The following NRCAM variants were observed in gnomAD, a reference collection of about 807,000 sequenced individuals.
The protein encoded by NRCAM is NgCAM-related cell adhesion molecule.
In NRCAM, 83 loss-of-function variants were observed where a neutral mutation model predicts 156.5. The ratio of observed to expected loss-of-function variants is 0.53; its 90% CI spans 0.44 to 0.64. NRCAM has a LOEUF of 0.64. Ranked by LOEUF, NRCAM falls within the 30% of genes least tolerant of loss-of-function variation. The pLI is 0.00. For synonymous variants in NRCAM, 538 were observed against 563.9 expected (o/e 0.95, Z 0.65); for missense variants, 1,417 against 1,597.3 (o/e 0.89, Z 1.92).
At chr7:108,232,984 A>G (rs1173925753) in intron 6 of NRCAM, among the ~76,000 whole-genome samples, 1 of 152,220 alleles carries the variant, frequency 6.6e-6, no homozygotes, top group Non-Finnish European at 1.5e-5. Flanking sequence ...ATTTCAAGTT[A>G]CCAAATTGTG....
intron 12 of NRCAM, among the ~76,000 whole-genome samples, chr7:108,208,245 G>A (rs2153576467): frequency 6.6e-6 from 1 of 152,098 alleles, no homozygotes; most frequent in East Asian, 1.9e-4. Flanking sequence ...GGTGGAGGTT[G>A]CAGTGAGCCA....
intron 2 of NRCAM, among the ~76,000 whole-genome samples, chr7:108,346,922 T>C (rs563999750): frequency 5.9e-5 from 9 of 152,314 alleles, no homozygotes; most frequent in African/African-American, 1.9e-4. Flanking sequence ...TTTAGATTTA[T>C]TGGGTTAAAC....
At chr7:108,257,746 T>C (rs1047653910) in intron 3 of NRCAM, among the ~76,000 whole-genome samples, 1 of 152,208 alleles carries the variant, frequency 6.6e-6, no homozygotes, top group Non-Finnish European at 1.5e-5. Flanking sequence ...TGAAATGATT[T>C]TTATGATATA....
intron 3 of NRCAM, among the ~76,000 whole-genome samples, chr7:108,302,409 T>G (rs887982789): frequency 7.2e-5 from 11 of 152,166 alleles, no homozygotes; most frequent in African/African-American, 2.4e-4. Flanking sequence ...ACCACTCCTC[T>G]TCTTCAAAAA....
intron 3 of NRCAM, among the ~76,000 whole-genome samples, chr7:108,255,527 T>G (rs2096594637): frequency 6.6e-6 from 1 of 152,050 alleles, no homozygotes; most frequent in South Asian, 2.1e-4. Context: ...AACCTCCACC[T>G]CCCAGCAGCC....
At chr7:108,191,103 T>A (rs2071138415) in intron 19 of NRCAM, 151 bp downstream of exon 19, 1 of 538,394 alleles carries the variant, frequency 1.9e-6, no homozygotes, top group Non-Finnish European at 3.2e-6. Flanking sequence ...TGATTCATTG[T>A]CAGTAAATGG....
At chr7:108,388,956 C>T (rs1424140947) in intron 2 of NRCAM, among the ~76,000 whole-genome samples, 1 of 152,176 alleles carries the variant, frequency 6.6e-6, no homozygotes, top group African/African-American at 2.4e-5. Context: ...GTTTTGGTTA[C>T]TGTAGCCTTG....
In NRCAM at chr7:108,231,156, A is replaced by G. The variant is rs369493731; in HGVS notation, c.428-3T>C. The G allele has an allele frequency of 6.4e-7, 1 of 1,567,638 alleles. No individual in the cohort carries two copies. Among genetic ancestry groups the G allele is most frequent in the Non-Finnish European group, 8.6e-7 (1 of 1,164,860 alleles). On this transcript the variant is annotated splice_region_variant and splice_polypyrimidine_tract_variant and intron_variant, in intron 7 of 32. Transcript: ENST00000379028. ...TTCTTTGGTCCACAATGGTGATCCT[A>G]TTAAATAAAAAAATAACTTCTCAGT...
chr7:108,434,713 T>A lies in NRCAM; in HGVS notation c.-332+21530A>T, dbSNP rs113038776. Among the ~76,000 whole-genome samples the A allele has an allele frequency of 7.6e-3, 1,164 of 152,196 alleles. 12 individuals carry two copies. The highest frequency in any genetic ancestry group is 0.026 in the African/African-American group (1,090 of 41,510). On this transcript the variant is annotated intron_variant, in intron 1 of 32. Transcript: ENST00000379028. ...GCCTTATTGGCTGGAGGTATTTGAGTCCAACTTTTGGTCAGTTATTGACTG... is the reference window on the plus strand; with the variant it reads ...GCCTTATTGGCTGGAGGTATTTGAGACCAACTTTTGGTCAGTTATTGACTG...
chr7:108,264,100 C>T (rs765242830), intron 3 of NRCAM, among the ~76,000 whole-genome samples: 34 of 152,100 alleles, frequency 2.2e-4, no homozygotes, highest in Non-Finnish European at 4.0e-4. Context: ...GCCTCAGCTG[C>T]GCAAGTAGCT....
At chr7:108,366,958 G>A (rs576698794) in intron 2 of NRCAM, among the ~76,000 whole-genome samples, 1 of 152,256 alleles carries the variant, frequency 6.6e-6, no homozygotes, top group East Asian at 1.9e-4. Context: ...TCGTACCCCA[G>A]AGCAACTAAC....
In NRCAM at chr7:108,182,654, G is replaced by A. The variant is rs191107105; in HGVS notation, c.2530+41C>T. The A allele has an allele frequency of 4.2e-5, 67 of 1,581,476 alleles. No individual in the cohort carries two copies. The African/African-American group carries it at 8.6e-4, about 20-fold the overall frequency. Reference sequence around the variant, plus strand: ...ATGGCCTTGGCTTGCACCTTGGTAAGTCTGTTTTGCTGGGGAAAAGTAGGA... The same window carrying A: ...ATGGCCTTGGCTTGCACCTTGGTAAATCTGTTTTGCTGGGGAAAAGTAGGA... On this transcript the variant is annotated intron_variant, in intron 23 of 32. Coordinates refer to ENST00000379028, the MANE Select transcript of NRCAM (RefSeq NM_001037132.4).
chr7:108,448,111 A>G (rs1371912704), intron 1 of NRCAM, among the ~76,000 whole-genome samples: 2 of 152,222 alleles, frequency 1.3e-5, no homozygotes, highest in Non-Finnish European at 2.9e-5. Context: ...AAACGTAAAC[A>G]TAACCATGGA....
chr7:108,357,087 C>T (rs2099508993), intron 2 of NRCAM, among the ~76,000 whole-genome samples: 1 of 152,202 alleles, frequency 6.6e-6, no homozygotes, highest in African/African-American at 2.4e-5. Flanking sequence ...TCTTGGACTT[C>T]CCAGCCTTCC....
chr7:108,188,721 T>G (rs2068939978), intron 20 of NRCAM, among the ~76,000 whole-genome samples: 1 of 149,336 alleles, frequency 6.7e-6, no homozygotes, highest in African/African-American at 2.5e-5. Flanking sequence ...CCTGGATGAA[T>G]TTGTGTTCTG....
chr7:108,186,707 G>T (rs911810989), intron 20 of NRCAM, among the ~76,000 whole-genome samples: 1 of 151,934 alleles, frequency 6.6e-6, no homozygotes, highest in African/African-American at 2.4e-5. Context: ...ATCTTTATAT[G>T]TATTTATATC....
At chr7:108,394,752 G>A (rs932956301) in intron 2 of NRCAM, among the ~76,000 whole-genome samples, 2 of 151,744 alleles carry the variant, frequency 1.3e-5, no homozygotes, top group African/African-American at 4.9e-5. Context: ...TTTATGTTAT[G>A]TTGGGTGAAT....
At chr7:108,185,478 G>A (rs2066106891) in intron 20 of NRCAM, among the ~76,000 whole-genome samples, 1 of 152,170 alleles carries the variant, frequency 6.6e-6, no homozygotes, top group African/African-American at 2.4e-5. Flanking sequence ...GCTCACACCT[G>A]TAATCTCAGC....
chr7:108,446,702 G>C (rs924012033), intron 1 of NRCAM, among the ~76,000 whole-genome samples: 1 of 150,060 alleles, frequency 6.7e-6, no homozygotes, highest in Non-Finnish European at 1.5e-5. Context: ...TTATACAATC[G>C]TATGTTCTCT....
Sources: gnomAD v4.1 joint callset for allele counts (sites outside exome capture counted in the v4.1 genomes callset) on GRCh38, gnomAD v4.1.1 for gene constraint, MANE v1.5 for transcripts, NCBI Gene and HGNC (gene_info 2026-07-23, HGNC 2026-07-21) for gene names.